The following THEMIS variants were observed in gnomAD, a reference collection of about 807,000 sequenced individuals.
THEMIS encodes the protein thymocyte selection associated.
In THEMIS, 37 loss-of-function variants were observed where a neutral mutation model predicts 52.6. The observed-to-expected ratio is 0.70, with a 90% confidence interval of 0.54 to 0.93. The LOEUF is 0.93. Among genes scored for constraint, THEMIS ranks in the 40% least tolerant of loss-of-function variants. The pLI, the probability that THEMIS is intolerant of heterozygous loss-of-function variation, is 0.00. For missense variants in THEMIS, 808 were observed against 763.1 expected (o/e 1.06, Z -0.69); for synonymous variants, 292 against 272.7 (o/e 1.07, Z -0.70).
At chr6:127,759,554 G>C (rs1775944625) in intron 4 of THEMIS, among the ~76,000 whole-genome samples, 1 of 152,026 alleles carries the variant, frequency 6.6e-6, no homozygotes, top group Non-Finnish European at 1.5e-5. Flanking sequence ...TGTTCTCCCA[G>C]CTGCACATGT....
Position 127,708,585 on chromosome 6 carries a change from G to A in THEMIS, c.*1400C>T, listed in dbSNP as rs1348975460. 2.0e-5 allele frequency: 3 copies of A among 152,004 alleles called. No individual in the cohort carries two copies. The highest frequency in any genetic ancestry group is 1.9e-4 in the East Asian group (1 of 5,166). 9.4% of individuals were successfully genotyped at this position (152,004 alleles called of 1,614,324 possible). A position where few individuals can be genotyped will look rare whatever the true frequency, so the allele number is the denominator to read the frequency against. On this transcript the variant is annotated 3_prime_UTR_variant, in exon 6 of 6. Transcript: ENST00000368248. The stretch of plus-strand genomic sequence containing the variant: ...CTTCAATAACCAAATGTGGGTCTTA[G>A]AAAAGTTTCTGTTCTTATCTGCACA...
At chr6:127,918,567 A>C (rs1253433357), upstream of THEMIS, 2 of 152,152 alleles carry the variant, frequency 1.3e-5, no homozygotes, top group Non-Finnish European at 2.9e-5. Context: ...AAAGAGACTA[A>C]TGCAAATATA....
intron 1 of THEMIS, among the ~76,000 whole-genome samples, chr6:127,875,164 C>G (rs875336): frequency 0.65 from 99,443 of 152,148 alleles, 32,739 homozygotes; most frequent in East Asian, 0.83. Context: ...AGTCCCTGGT[C>G]CCAAAAATTT....
At chr6:127,818,120 A>T in intron 3 of THEMIS, among the ~76,000 whole-genome samples, 1 of 152,172 alleles carries the variant, frequency 6.6e-6, no homozygotes, top group East Asian at 1.9e-4. Flanking sequence ...GGGAAAAAGC[A>T]ATACCCAACT....
At chr6:127,887,889 G>A (rs987343760) in intron 1 of THEMIS, among the ~76,000 whole-genome samples, 1 of 152,046 alleles carries the variant, frequency 6.6e-6, no homozygotes, top group Non-Finnish European at 1.5e-5. Context: ...AATAAGAGAG[G>A]ACATAAAAAC....
intron 4 of THEMIS, among the ~76,000 whole-genome samples, chr6:127,758,933 A>T (rs1432704391): frequency 1.3e-5 from 2 of 152,166 alleles, no homozygotes; most frequent in South Asian, 2.1e-4. Context: ...TATTATGCAC[A>T]ATTTATGAAC....
At chr6:127,811,688 A>T (rs546394048) in intron 4 of THEMIS, among the ~76,000 whole-genome samples, 1 of 152,128 alleles carries the variant, frequency 6.6e-6, no homozygotes, top group South Asian at 2.1e-4. Context: ...CACAAAGAAG[A>T]CATTTCATTT....
At chr6:127,741,810 ACCATTAAAAT>A (rs2114279845) in intron 4 of THEMIS, among the ~76,000 whole-genome samples, 1 of 152,338 alleles carries the variant, frequency 6.6e-6, no homozygotes, top group South Asian at 2.1e-4. Flanking sequence ...AAGAGAAGGA[ACCATTAAAAT>A]CCATTAGGTG....
intron 1 of THEMIS, among the ~76,000 whole-genome samples, chr6:127,895,012 A>G (rs1383755560): frequency 6.7e-6 from 1 of 149,076 alleles, no homozygotes; most frequent in East Asian, 1.9e-4. Context: ...AAAAATGTAT[A>G]TATAATACAT....
chr6:127,905,776 A>G (rs138786231), upstream of THEMIS, among the ~76,000 whole-genome samples: 3 of 152,074 alleles, frequency 2.0e-5, no homozygotes, highest in East Asian at 5.8e-4. Context: ...TATCAGAGTT[A>G]AATAAATAAA....
At chr6:127,768,726 A>G (rs1335684546) in intron 4 of THEMIS, among the ~76,000 whole-genome samples, 1 of 152,232 alleles carries the variant, frequency 6.6e-6, no homozygotes, top group Non-Finnish European at 1.5e-5. Flanking sequence ...TTTTCCAAAA[A>G]TTAAAATGTT....
chr6:127,702,949 G>T, the THEMIS span, among the ~76,000 whole-genome samples: 1 of 151,104 alleles, frequency 6.6e-6, no homozygotes, highest in East Asian at 1.9e-4. Context: ...ATGAGATTTG[G>T]GTAGGGACAC....
intron 4 of THEMIS, among the ~76,000 whole-genome samples, chr6:127,772,370 G>A (rs1296578259): frequency 6.6e-6 from 1 of 151,938 alleles, no homozygotes; most frequent in Non-Finnish European, 1.5e-5. Context: ...ATTTTAGTGA[G>A]ATTAGGTAGG....
chr6:127,786,557 G>A (rs1776955182), intron 4 of THEMIS, among the ~76,000 whole-genome samples: 2 of 152,158 alleles, frequency 1.3e-5, no homozygotes, highest in African/African-American at 4.8e-5. Flanking sequence ...TATTCTAAGT[G>A]GTTTTCTTGA....
intron 4 of THEMIS, among the ~76,000 whole-genome samples, chr6:127,721,601 A>G (rs187969064): frequency 6.0e-4 from 91 of 152,120 alleles, no homozygotes; most frequent in African/African-American, 2.0e-3. Context: ...GTTGGTATCA[A>G]CTAGAACTAA....
intron 3 of THEMIS, among the ~76,000 whole-genome samples, chr6:127,827,056 T>A (rs947311697): frequency 2.6e-5 from 4 of 152,140 alleles, no homozygotes; most frequent in Non-Finnish European, 4.4e-5. Context: ...TCAGCAAACA[T>A]GGCTCCCTGT....
intron 1 of THEMIS, among the ~76,000 whole-genome samples, chr6:127,867,194 T>C (rs912711267): frequency 2.6e-5 from 4 of 152,060 alleles, no homozygotes; most frequent in African/African-American, 9.7e-5. Flanking sequence ...GTAATTTCTC[T>C]ATAATATCAA....
chr6:127,813,180 G>T lies in THEMIS; in HGVS notation c.1461C>A (p.Asp487Glu). The change falls in exon 4 of 6, where the codon GAC (aspartate) becomes GAA (glutamate). Residue 487 changes from aspartate (D) to glutamate (E), a missense_variant. By Grantham distance (45) the Asp-to-Glu change is conservative. Transcript: ENST00000368248. Reference protein sequence around the residue: ...PGLQLEEDITDSYLLISDFAN... With the variant: ...PGLQLEEDITESYLLISDFAN... The stretch of plus-strand genomic sequence containing the variant: ...CAAAGTCACTTATGAGTAGGTAAGA[G>T]TCTGTAATGTCCTCCTCCAACTGCA... The T allele has an allele frequency of 6.2e-7, 1 of 1,614,096 alleles. No individual in the cohort carries two copies. Among genetic ancestry groups the T allele is most frequent in the Non-Finnish European group, 8.5e-7 (1 of 1,180,016 alleles).
At chr6:127,839,298 A>G (rs1778967642) in intron 2 of THEMIS, among the ~76,000 whole-genome samples, 1 of 152,058 alleles carries the variant, frequency 6.6e-6, no homozygotes, top group Non-Finnish European at 1.5e-5. Flanking sequence ...AAAATATGTT[A>G]CCCCTATATA....
Sources: gnomAD v4.1 joint callset for allele counts (sites outside exome capture counted in the v4.1 genomes callset) on GRCh38, gnomAD v4.1.1 for gene constraint, MANE v1.5 for transcripts, NCBI Gene and HGNC (gene_info 2026-07-23, HGNC 2026-07-21) for gene names.